The following NUP160 variants were observed in gnomAD, a reference collection of about 807,000 sequenced individuals.
NUP160 encodes nucleoporin 160.
NUP160 carries 94 observed loss-of-function variants against 196.9 expected under a neutral mutation model. The ratio of observed to expected loss-of-function variants is 0.48; its 90% confidence interval spans 0.40 to 0.57. NUP160 has a LOEUF of 0.57. Among genes scored for constraint, NUP160 ranks in the 20% least tolerant of loss-of-function variants. NUP160 has a pLI of 0.00. For synonymous variants in NUP160, 605 were observed against 619.7 expected, an observed-to-expected ratio of 0.98 and a Z score of 0.35; for missense variants, 1,638 against 1,748.3, an observed-to-expected ratio of 0.94 and a Z score of 1.13.
chr11:47,802,535 T>C (rs1444164083), intron 22 of NUP160, among the ~76,000 whole-genome samples: 1 of 152,318 alleles, frequency 6.6e-6, no homozygotes, highest in East Asian at 1.9e-4. Flanking sequence ...ATTTGAGTGA[T>C]AGGTATATAC....
intron 7 of NUP160, among the ~76,000 whole-genome samples, chr11:47,834,722 G>A (rs539323295): frequency 6.6e-6 from 1 of 152,332 alleles, no homozygotes; most frequent in Non-Finnish European, 1.5e-5. Context: ...TAGTGAGTGA[G>A]AAGGGCGTGC....
At chr11:47,811,583 T>C (rs2097681170) in intron 17 of NUP160, among the ~76,000 whole-genome samples, 1 of 152,096 alleles carries the variant, frequency 6.6e-6, no homozygotes, top group South Asian at 2.1e-4. Context: ...TTACTAATAA[T>C]ACTACATTTT....
At chr11:47,842,477 C>T (rs1470880407) in intron 2 of NUP160, among the ~76,000 whole-genome samples, 2 of 152,152 alleles carry the variant, frequency 1.3e-5, no homozygotes, top group Non-Finnish European at 2.9e-5. Flanking sequence ...AGAGTTTTCT[C>T]TACCATGCCC....
At chr11:47,845,147 C>T (rs569724600) in intron 2 of NUP160, among the ~76,000 whole-genome samples, 1 of 152,228 alleles carries the variant, frequency 6.6e-6, no homozygotes, top group African/African-American at 2.4e-5. Flanking sequence ...CTTTTATTTA[C>T]ATTTTTTTTT....
chr11:47,782,157 G>T (rs1355641611), intron 34 of NUP160, among the ~76,000 whole-genome samples: 1 of 151,264 alleles, frequency 6.6e-6, no homozygotes, highest in Non-Finnish European at 1.5e-5. Flanking sequence ...GGTGGCAGGT[G>T]CCTGTAATCC....
intron 7 of NUP160, among the ~76,000 whole-genome samples, chr11:47,825,975 G>GA (rs1333480889): frequency 3.3e-5 from 5 of 151,494 alleles, no homozygotes; most frequent in South Asian, 2.1e-4. Flanking sequence ...AAGTATTAAA[G>GA]AAAAAAAAGC....
At chr11:47,847,066 G>A (rs896000613) in intron 2 of NUP160, among the ~76,000 whole-genome samples, 8 of 152,048 alleles carry the variant, frequency 5.3e-5, no homozygotes, top group South Asian at 2.1e-4. Context: ...CTCATGGTCC[G>A]AGTCCTGCCT....
chr11:47,791,477 T>C (rs2097667862), intron 29 of NUP160, among the ~76,000 whole-genome samples: 1 of 152,146 alleles, frequency 6.6e-6, no homozygotes, highest in Non-Finnish European at 1.5e-5. Context: ...GTAGCTGGGA[T>C]TACAGGTGAG....
intron 23 of NUP160, among the ~76,000 whole-genome samples, chr11:47,799,493 C>T (rs2097672906): frequency 6.6e-6 from 1 of 152,090 alleles, no homozygotes; most frequent in African/African-American, 2.4e-5. Flanking sequence ...ATGTATGATA[C>T]ATCCAAAATA....
At chr11:47,805,447 CTTTTTT>C (rs34487443) in intron 20 of NUP160, among the ~76,000 whole-genome samples, 1 of 133,298 alleles carries the variant, frequency 7.5e-6, no homozygotes, top group Admixed American at 7.7e-5. Flanking sequence ...TGAATAATGT[CTTTTTT>C]TTTTTTTTTG....
chr11:47,781,659 A>G (rs1313764271), intron 34 of NUP160, among the ~76,000 whole-genome samples: 5 of 152,116 alleles, frequency 3.3e-5, no homozygotes, highest in African/African-American at 1.2e-4. Context: ...ATAACCTCTG[A>G]GCCTGTTCCC....
intron 33 of NUP160, among the ~76,000 whole-genome samples, chr11:47,783,720 C>T (rs1053671919): frequency 6.6e-6 from 1 of 152,180 alleles, no homozygotes; most frequent in South Asian, 2.1e-4. Context: ...GGCTTCCCTA[C>T]TTTCCTATTT....
intron 7 of NUP160, among the ~76,000 whole-genome samples, chr11:47,833,066 T>C (rs1852106790): frequency 6.6e-6 from 1 of 152,204 alleles, no homozygotes; most frequent in South Asian, 2.1e-4. Flanking sequence ...AAGTTGACTA[T>C]GGTAATGGTT....
intron 4 of NUP160, among the ~76,000 whole-genome samples, chr11:47,837,945 G>A (rs757491453): frequency 2.6e-5 from 4 of 152,202 alleles, no homozygotes; most frequent in Non-Finnish European, 5.9e-5. Flanking sequence ...CACAGTTCTA[G>A]ATGGTAGTGA....
Position 47,821,348 on chromosome 11 carries a change from T to C in NUP160, c.1277+376A>G, listed in dbSNP as rs946650025. ...ACTTGGTTCTACATAAAAAGCTCCC[T>C]TGTCTTTTTTTTTTTTTTTTTTTTT... On this transcript the variant is annotated intron_variant, in intron 9 of 35. Transcript: ENST00000378460. The C allele has an allele frequency of 7.9e-5, 12 of 151,890 alleles. No individual in the cohort carries two copies. The Admixed American group carries it at 8.6e-4, about 11-fold the overall frequency. The allele number at this position is 151,890 out of a possible 1,614,324, so 9.4% of individuals were successfully genotyped here.
In NUP160 at chr11:47,847,934, G is replaced by C. The variant is rs773937144; in HGVS notation, c.228C>G (p.Ala76=). 1.9e-6 allele frequency: 3 copies of C among 1,613,974 alleles called. No homozygotes were observed. The highest frequency in any genetic ancestry group is 3.3e-5 in the Admixed American group (2 of 60,004). Reference sequence around the variant, plus strand: ...CTCCCGCGCTTTCACTGTATTTTACGGCGCCAGCCACGGCATTTGCAGTCC... The same window carrying C: ...CTCCCGCGCTTTCACTGTATTTTACCGCGCCAGCCACGGCATTTGCAGTCC... Residue 76 remains alanine (A), a synonymous_variant, in exon 2 of 36, where the codon GCC becomes GCG. Coordinates refer to ENST00000378460, the Ensembl canonical transcript of NUP160.
chr11:47,839,687 A>G, intron 4 of NUP160, 156 bp downstream of exon 4: 1 of 670,374 alleles, frequency 1.5e-6, no homozygotes, highest in Non-Finnish European at 2.6e-6. Context: ...CCACTGTATA[A>G]AAGTAAAGCA....
intron 18 of NUP160, among the ~76,000 whole-genome samples, chr11:47,808,039 T>C (rs886448901): frequency 6.6e-6 from 1 of 152,120 alleles, no homozygotes; most frequent in East Asian, 1.9e-4. Context: ...TCCCAGCACT[T>C]TGGGAGGCCA....
Position 47,792,607 on chromosome 11 carries a change from T to C in NUP160, c.3450+179A>G, listed in dbSNP as rs912907582. On this transcript the variant is annotated intron_variant, in intron 28 of 35. Coordinates refer to ENST00000378460, the Ensembl canonical transcript of NUP160. ...CTACAATAATTCTGAACTTGAAAAC[T>C]AAAGGGGTAGTAATATACAACAATT... The C allele has an allele frequency of 8.5e-6, 5 of 586,336 alleles. No homozygotes were observed. The African/African-American group carries it at 9.5e-5, about 11-fold the overall frequency. The allele number at this position is 586,336 out of a possible 1,614,324, so 36.3% of individuals were successfully genotyped here. A position where few individuals can be genotyped will look rare whatever the true frequency, so the allele number is the denominator to read the frequency against.
Sources: gnomAD v4.1 joint callset for allele counts (sites outside exome capture counted in the v4.1 genomes callset) on GRCh38, gnomAD v4.1.1 for gene constraint, MANE v1.5 for transcripts, NCBI Gene and HGNC (gene_info 2026-07-23, HGNC 2026-07-21) for gene names.